NAALADL2: variants seen among roughly 807,000 people sequenced by gnomAD.
NAALADL2 encodes inactive N-acetylated-alpha-linked acidic dipeptidase-like protein 2.
NAALADL2 carries 76 observed loss-of-function variants against 87.2 expected under a neutral mutation model. The ratio of observed to expected loss-of-function variants is 0.87; its 90% CI spans 0.72 to 1.05. The LOEUF (loss-of-function observed/expected upper bound fraction) is 1.05. NAALADL2 is among the 50% of genes least tolerant of loss of function. The pLI, the probability that NAALADL2 is intolerant of heterozygous loss-of-function variation, is 0.00. For missense variants in NAALADL2, 1,089 were observed against 945.8 expected, an observed-to-expected ratio of 1.15 and a Z score of -1.99; for synonymous variants, 354 against 331.0, an observed-to-expected ratio of 1.07 and a Z score of -0.75.
chr3:175,142,711 G>A (rs6789774), intron 2 of NAALADL2, among the ~76,000 whole-genome samples: 8,497 of 151,942 alleles, frequency 0.056, 759 homozygotes, highest in African/African-American at 0.19. Context: ...ATTTTGTAGA[G>A]ACAAATTGGT....
intron 9 of NAALADL2, among the ~76,000 whole-genome samples, chr3:175,480,540 C>T (rs1582066861): frequency 6.6e-6 from 1 of 151,832 alleles, no homozygotes; most frequent in East Asian, 1.9e-4. Context: ...TTCCACAGCA[C>T]CCTTTTTCAA....
intron 5 of NAALADL2, among the ~76,000 whole-genome samples, chr3:175,408,250 T>A (rs1712797419): frequency 6.6e-6 from 1 of 152,064 alleles, no homozygotes; most frequent in Non-Finnish European, 1.5e-5. Flanking sequence ...ATTGTATATT[T>A]CAAAATTGAT....
chr3:174,499,083 A>G (rs912488081), intron 1 of NAALADL2, among the ~76,000 whole-genome samples: 2 of 152,120 alleles, frequency 1.3e-5, no homozygotes, highest in African/African-American at 4.8e-5. Context: ...TTTATAAATT[A>G]AACTTTATTA....
chr3:174,532,925 C>T (rs1204355826), intron 1 of NAALADL2, among the ~76,000 whole-genome samples: 1 of 151,122 alleles, frequency 6.6e-6, no homozygotes, highest in Admixed American at 6.6e-5. Flanking sequence ...TCATAGTACC[C>T]CCCTCCTTTT....
At chr3:174,460,471 A>G (rs1055624497) in intron 1 of NAALADL2, among the ~76,000 whole-genome samples, 14 of 152,110 alleles carry the variant, frequency 9.2e-5, no homozygotes, top group African/African-American at 3.1e-4. Context: ...TCTAATCACA[A>G]TAATGGTCAC....
intron 2 of NAALADL2, among the ~76,000 whole-genome samples, chr3:175,227,839 C>T (rs1744383279): frequency 6.6e-6 from 1 of 151,808 alleles, no homozygotes; most frequent in African/African-American, 2.4e-5. Flanking sequence ...CTCATATGAT[C>T]TCCTGAAATC....
At chr3:175,406,919 G>A (rs754357537) in intron 5 of NAALADL2, among the ~76,000 whole-genome samples, 5 of 151,844 alleles carry the variant, frequency 3.3e-5, no homozygotes, top group African/African-American at 1.2e-4. Flanking sequence ...TGTGGCTCAC[G>A]CCTGTAATCC....
At chr3:175,159,304 G>A (rs1732778210) in intron 2 of NAALADL2, among the ~76,000 whole-genome samples, 1 of 152,086 alleles carries the variant, frequency 6.6e-6, no homozygotes, top group Non-Finnish European at 1.5e-5. Flanking sequence ...AAACTACAAG[G>A]ACCAACTTAA....
rs545916648 is a variant in NAALADL2, at chr3:175,062,605, A to G, written c.44-34185A>G. ...TGGGAATTACTACTATCATAGAACT[A>G]TAAATGCTCTTACATTATTTAGGGC... On this transcript the variant is annotated intron_variant, in intron 1 of 13. Coordinates refer to ENST00000454872, the MANE Select transcript of NAALADL2 (RefSeq NM_207015.3). Among the ~76,000 whole-genome samples, 136 of 152,136 alleles carry G rather than the reference A, an allele frequency of 8.9e-4. 2 individuals carry two copies. The highest frequency in any genetic ancestry group is 1.7e-3 in the Non-Finnish European group (113 of 68,014).
intron 1 of NAALADL2, among the ~76,000 whole-genome samples, chr3:175,060,956 G>T (rs1310493046): frequency 1.3e-5 from 2 of 152,186 alleles, no homozygotes; most frequent in East Asian, 3.9e-4. Flanking sequence ...TGAGGCAGGA[G>T]AATGGCTTGA....
chr3:175,312,850 C>A, intron 4 of NAALADL2, among the ~76,000 whole-genome samples: 1 of 152,148 alleles, frequency 6.6e-6, no homozygotes, highest in East Asian at 1.9e-4. Flanking sequence ...ATAATTTGAC[C>A]TAAAGTTGAC....
chr3:174,618,546 C>A (rs1482833757), intron 2 of NAALADL2, among the ~76,000 whole-genome samples: 1 of 151,796 alleles, frequency 6.6e-6, no homozygotes, highest in Non-Finnish European at 1.5e-5. Context: ...AACTAACAAG[C>A]TCAGAACTCA....
intron 4 of NAALADL2, among the ~76,000 whole-genome samples, chr3:175,316,414 A>G (rs1759142381): frequency 6.6e-6 from 1 of 152,142 alleles, no homozygotes; most frequent in East Asian, 1.9e-4. Context: ...CAAGGTGGTT[A>G]TGTCGTTGAG....
At chr3:174,571,358 C>A (rs1235862097) in intron 2 of NAALADL2, among the ~76,000 whole-genome samples, 2 of 152,018 alleles carry the variant, frequency 1.3e-5, no homozygotes, top group Admixed American at 1.3e-4. Flanking sequence ...AGATCAAATT[C>A]ACTAATGCAT....
At chr3:174,674,196 T>C (rs1447598008) in intron 2 of NAALADL2, among the ~76,000 whole-genome samples, 1 of 151,916 alleles carries the variant, frequency 6.6e-6, no homozygotes, top group Admixed American at 6.6e-5. Context: ...TGCCACACAC[T>C]TTTAAACAAC....
At position 175,627,888 on chromosome 3, in the gene NAALADL2, G is replaced by A. The variant is rs116621072; in HGVS notation, c.1896+502G>A. Among the ~76,000 whole-genome samples, 1,446 of 151,672 alleles carry A rather than the reference G, an allele frequency of 9.5e-3. 23 individuals carry two copies. Among genetic ancestry groups the A allele is most frequent in the African/African-American group, 0.032 (1,306 of 41,448 alleles). On this transcript the variant is annotated intron_variant, in intron 11 of 13. Coordinates refer to ENST00000454872, the MANE Select transcript of NAALADL2 (RefSeq NM_207015.3). ...TTTAGATCATGGGGAAATACAAAGT[G>A]GACCTTTGCATTTTTCTGTCTTCAA... is the stretch of plus-strand genomic sequence containing the variant.
At chr3:174,457,612 T>C (rs1381175186) in intron 1 of NAALADL2, among the ~76,000 whole-genome samples, 4 of 152,030 alleles carry the variant, frequency 2.6e-5, no homozygotes, top group Non-Finnish European at 5.9e-5. Flanking sequence ...GATCATGAGG[T>C]CAGGAGTTTA....
At chr3:174,808,231 G>A (rs939871862) in intron 3 of NAALADL2, among the ~76,000 whole-genome samples, 38 of 151,966 alleles carry the variant, frequency 2.5e-4, no homozygotes, top group African/African-American at 9.2e-4. Flanking sequence ...AATAAAATAT[G>A]AATTCCTTTT....
intron 2 of NAALADL2, among the ~76,000 whole-genome samples, chr3:175,147,788 G>A (rs1200018548): frequency 6.6e-6 from 1 of 151,874 alleles, no homozygotes; most frequent in Non-Finnish European, 1.5e-5. Flanking sequence ...ACCCATTTTC[G>A]GCCAGGCGTG....
Sources: gnomAD v4.1 joint callset for allele counts (sites outside exome capture counted in the v4.1 genomes callset) on GRCh38, gnomAD v4.1.1 for gene constraint, MANE v1.5 for transcripts, NCBI Gene and HGNC (gene_info 2026-07-23, HGNC 2026-07-21) for gene names.